Variants in MAPK8 observed in about 807,000 individuals in gnomAD.
MAPK8 encodes mitogen-activated protein kinase 8, also known as JUN N-terminal kinase.
Under a neutral mutation model 52.9 loss-of-function variants are expected in MAPK8, and 13 were observed. That is an observed-to-expected ratio of 0.25 (90% confidence interval 0.16 to 0.39). MAPK8 has a LOEUF of 0.39. MAPK8 is among the 10% of genes least tolerant of loss of function. The pLI, the probability that MAPK8 is intolerant of heterozygous loss-of-function variation, is 1.00. For synonymous variants in MAPK8, 191 were observed against 169.8 expected (o/e 1.12, Z -0.97); for missense variants, 300 against 519.2 (o/e 0.58, Z 4.10).
chr10:48,323,564 T>C (rs1843193493), intron 1 of MAPK8, among the ~76,000 whole-genome samples: 1 of 152,238 alleles, frequency 6.6e-6, no homozygotes, highest in South Asian at 2.1e-4. Flanking sequence ...TGATTTTGAT[T>C]TAGCATGCCA....
chr10:48,364,801 C>G (rs1030641426), intron 1 of MAPK8, among the ~76,000 whole-genome samples: 1 of 152,058 alleles, frequency 6.6e-6, no homozygotes, highest in African/African-American at 2.4e-5. Flanking sequence ...ACAGAAAACT[C>G]CAAACAAAGG....
intron 1 of MAPK8, among the ~76,000 whole-genome samples, chr10:48,344,825 T>C (rs1421602896): frequency 6.6e-6 from 1 of 152,168 alleles, no homozygotes; most frequent in African/African-American, 2.4e-5. Context: ...GGTAAAATGC[T>C]GTATAAGAAT....
At position 48,348,460 on chromosome 10, in the gene MAPK8, C is replaced by T. The variant is rs141989207; in HGVS notation, c.-50+41639C>T. 6.4e-3 allele frequency among the ~76,000 whole-genome samples: 973 copies of T among 152,236 alleles called. 5 individuals carry two copies. The highest frequency in any genetic ancestry group is 0.014 in the South Asian group (68 of 4,824). ...TGGTGTTTTAGTCATGAAATCTTTG[C>T]CCATGCCTATGTCCTCAATGGTATT... is the stretch of plus-strand genomic sequence containing the variant. On this transcript the variant is annotated intron_variant, in intron 1 of 11. Transcript: ENST00000374189.
intron 1 of MAPK8, among the ~76,000 whole-genome samples, chr10:48,315,319 C>T (rs897653685): frequency 2.6e-5 from 4 of 152,160 alleles, no homozygotes; most frequent in Non-Finnish European, 1.5e-5. Context: ...CCTTTGTATA[C>T]ACTTGTGCAA....
intron 1 of MAPK8, among the ~76,000 whole-genome samples, chr10:48,348,950 CAA>C (rs57696845): frequency 1.6e-3 from 215 of 132,282 alleles, no homozygotes; most frequent in Middle Eastern, 3.7e-3. Context: ...AAATGGAAAG[CAA>C]AAAAAAAAAA....
At chr10:48,322,953 G>A (rs959152447) in intron 1 of MAPK8, among the ~76,000 whole-genome samples, 7 of 152,078 alleles carry the variant, frequency 4.6e-5, no homozygotes, top group African/African-American at 7.2e-5. Flanking sequence ...TACGATAATT[G>A]GTTTGAATTA....
At chr10:48,390,844 G>A (rs1425887327) in intron 1 of MAPK8, among the ~76,000 whole-genome samples, 1 of 152,150 alleles carries the variant, frequency 6.6e-6, no homozygotes, top group East Asian at 1.9e-4. Flanking sequence ...TTTAGCAGTT[G>A]TTTGTTCTAA....
intron 1 of MAPK8, among the ~76,000 whole-genome samples, chr10:48,309,302 C>T (rs897239116): frequency 6.6e-6 from 1 of 152,142 alleles, no homozygotes; most frequent in Non-Finnish European, 1.5e-5. Flanking sequence ...TGTCATCACC[C>T]CAAGAAGAAA....
chr10:48,392,397 T>C (rs1387112065), intron 1 of MAPK8, among the ~76,000 whole-genome samples: 1 of 152,140 alleles, frequency 6.6e-6, no homozygotes, highest in Non-Finnish European at 1.5e-5. Context: ...CCGGGAGCTG[T>C]GGATGAAAAC....
At chr10:48,309,322 C>T (rs530963505) in intron 1 of MAPK8, among the ~76,000 whole-genome samples, 1 of 152,192 alleles carries the variant, frequency 6.6e-6, no homozygotes, top group East Asian at 1.9e-4. Flanking sequence ...ACACCATATC[C>T]ATTAGCAGTC....
At chr10:48,419,532 A>T (rs1297442014) in intron 5 of MAPK8, among the ~76,000 whole-genome samples, 1 of 152,220 alleles carries the variant, frequency 6.6e-6, no homozygotes, top group African/African-American at 2.4e-5. Flanking sequence ...AATTTTATAG[A>T]TTAGTGGCAC....
At chr10:48,381,939 G>A (rs2041030324) in intron 1 of MAPK8, among the ~76,000 whole-genome samples, 1 of 152,088 alleles carries the variant, frequency 6.6e-6, no homozygotes, top group South Asian at 2.1e-4. Flanking sequence ...ATTATGAAGG[G>A]GCAGGGCCTA....
intron 1 of MAPK8, among the ~76,000 whole-genome samples, chr10:48,350,965 C>T (rs1279096907): frequency 6.6e-6 from 1 of 152,160 alleles, no homozygotes. Flanking sequence ...CATTCCCATA[C>T]ACCAGTAATA....
intron 1 of MAPK8, among the ~76,000 whole-genome samples, chr10:48,396,822 G>A (rs773446634): frequency 1.3e-5 from 2 of 152,046 alleles, no homozygotes; most frequent in African/African-American, 2.4e-5. Context: ...ATAAAAATAC[G>A]GCTGTCTTCT....
intron 10 of MAPK8, among the ~76,000 whole-genome samples, chr10:48,428,858 T>C (rs1564623681): frequency 1.3e-5 from 2 of 152,086 alleles, no homozygotes; most frequent in Admixed American, 1.3e-4. Context: ...TCTCACTGTG[T>C]CCCCCAGGCT....
intron 1 of MAPK8, among the ~76,000 whole-genome samples, chr10:48,311,653 G>T (rs1161864006): frequency 6.6e-6 from 1 of 152,212 alleles, no homozygotes; most frequent in Non-Finnish European, 1.5e-5. Context: ...TGTGAAGATT[G>T]CAGATTTGTC....
intron 1 of MAPK8, among the ~76,000 whole-genome samples, chr10:48,341,755 G>T (rs1404534365): frequency 6.6e-6 from 1 of 152,176 alleles, no homozygotes. Context: ...AGAAGAACAT[G>T]GTGCCATGAA....
chr10:48,319,588 C>G (rs1404190151), intron 1 of MAPK8, among the ~76,000 whole-genome samples: 1 of 152,038 alleles, frequency 6.6e-6, no homozygotes, highest in South Asian at 2.1e-4. Context: ...CTCCCGGGTT[C>G]AAGCAATTCT....
chr10:48,381,246 AATTTT>A (rs2040984134), intron 1 of MAPK8, among the ~76,000 whole-genome samples: 1 of 152,100 alleles, frequency 6.6e-6, no homozygotes, highest in African/African-American at 2.4e-5. Flanking sequence ...AAACTCTTAC[AATTTT>A]ATTTTTTCTT....
Sources: gnomAD v4.1 joint callset for allele counts (sites outside exome capture counted in the v4.1 genomes callset) on GRCh38, gnomAD v4.1.1 for gene constraint, MANE v1.5 for transcripts, NCBI Gene and HGNC (gene_info 2026-07-23, HGNC 2026-07-21) for gene names.